BCL2L12: variants seen among roughly 807,000 people sequenced by gnomAD.
BCL2L12 encodes the protein bcl-2-like protein 12.
Under a neutral mutation model 25.7 loss-of-function variants are expected in BCL2L12, and 27 were observed. The observed-to-expected ratio is 1.05, with a 90% confidence interval of 0.78 to 1.45. BCL2L12 has a LOEUF of 1.45. Ranked by LOEUF, BCL2L12 falls within the 40% of genes most tolerant of loss-of-function variation. The probability of loss-of-function intolerance (pLI) is 0.00; values close to 1 mark genes in which losing one functional copy is unlikely to be tolerated. For synonymous variants in BCL2L12, 132 were observed against 145.6 expected, an observed-to-expected ratio of 0.91 and a Z score of 0.67; for missense variants, 302 against 329.8, an observed-to-expected ratio of 0.92 and a Z score of 0.65.
chr19:49,670,359 G>GT lies in BCL2L12; in HGVS notation c.573_574insT (p.Pro192SerfsTer70). 2.5e-6 allele frequency: 4 copies of GT among 1,589,552 alleles called. No individual in the cohort carries two copies. Among genetic ancestry groups the GT allele is most frequent in the Non-Finnish European group, 3.4e-6 (4 of 1,169,830 alleles). On this transcript the variant is annotated frameshift_variant, in exon 6 of 7. Transcript: ENST00000246784. LOFTEE classifies it high-confidence loss of function. Reference sequence around the variant, plus strand: ...CCGGGCCCCCGCCTCCTTCCCCGGAGCCCCTGGCCCGCCTGGCCCTAGCCA... The same window carrying GT: ...CCGGGCCCCCGCCTCCTTCCCCGGAGTCCCCTGGCCCGCCTGGCCCTAGCCA...
At chr19:49,666,661 A>G (rs989930561) in intron 1 of BCL2L12, 24 bp from the exon 2 acceptor site, 1 of 1,529,552 alleles carries the variant, frequency 6.5e-7, no homozygotes, top group Non-Finnish European at 8.8e-7. Flanking sequence ...CTTGGAGTCC[A>G]GTCCCTAACC....
At position 49,666,060 on chromosome 19, in the gene BCL2L12, C is replaced by T. The variant is rs1274353876; in HGVS notation, c.-16C>T. ...AGTGGAGGAGGCGGCGGTGGGGCCC[C>T]GGACCAGGTCAGCGGGGTGTTGACG... On this transcript the variant is annotated 5_prime_UTR_variant, in exon 1 of 7. Transcript: ENST00000246784. 6 of 1,548,278 alleles carry T rather than the reference C, an allele frequency of 3.9e-6. No individual in the cohort carries two copies. The highest frequency in any genetic ancestry group is 5.2e-6 in the Non-Finnish European group (6 of 1,143,864).
At chr19:49,671,632 T>G (rs1387267004) in intron 6 of BCL2L12, among the ~76,000 whole-genome samples, 1 of 152,090 alleles carries the variant, frequency 6.6e-6, no homozygotes, top group East Asian at 1.9e-4. Context: ...AGTGGGACCC[T>G]GTCTCAAAAA....
rs766235924 is a variant in BCL2L12 at position 49,665,951 on chromosome 19, G to T, written c.-125G>T. ...GTTCCGCCCTTTCTACGCTGGGCCG[G>T]TTATCGACCCGGCCCAGTGCGCAGG... On this transcript the variant is annotated 5_prime_UTR_variant, in exon 1 of 7. Transcript: ENST00000246784. 4.3e-6 allele frequency: 7 copies of T among 1,613,532 alleles called. No homozygotes were observed. The South Asian group carries it at 7.7e-5, about 18-fold the overall frequency.
intron 6 of BCL2L12, among the ~76,000 whole-genome samples, chr19:49,671,532 G>A (rs1042616284): frequency 2.0e-5 from 3 of 152,192 alleles, no homozygotes; most frequent in Non-Finnish European, 4.4e-5. Flanking sequence ...CTACTCAGGA[G>A]GCAGAGGAGC....
rs763927653 is a variant in BCL2L12, at chr19:49,669,116, G to A, written c.429+1G>A. 5 of 1,613,766 alleles carry A rather than the reference G, an allele frequency of 3.1e-6. No homozygotes were observed. Among genetic ancestry groups the A allele is most frequent in the Admixed American group, 1.7e-5 (1 of 59,958 alleles). ...GGAGGCAGAAGTCATTAACCAGAAG[G>A]TGATGGGCATCTGTCCCACTCCTTG... On this transcript the variant is annotated splice_donor_variant, in intron 5 of 6. Transcript: ENST00000246784. LOFTEE classifies it high-confidence loss of function.
chr19:49,665,834 C>T (rs1453286867), upstream of BCL2L12: 1 of 1,596,694 alleles, frequency 6.3e-7, no homozygotes, highest in African/African-American at 1.3e-5. Context: ...ATGGGACGGC[C>T]CGCTGGGCTG....
At chr19:49,666,127 G>A (rs1339345941) in intron 1 of BCL2L12, 60 bp downstream of exon 1, 2 of 1,507,856 alleles carry the variant, frequency 1.3e-6, no homozygotes, top group African/African-American at 2.8e-5. Context: ...CCGGGATCCA[G>A]TGGTGGGCAC....
In BCL2L12 at chr19:49,666,007, C is replaced by T. The variant is rs79741544; in HGVS notation, c.-69C>T. ...GAAAGTTGAACTAATAAAGTTTGTACGAGTTCAGTGGAGGAGACCGCAAGT... is the reference window on the plus strand; with the variant it reads ...GAAAGTTGAACTAATAAAGTTTGTATGAGTTCAGTGGAGGAGACCGCAAGT... On this transcript the variant is annotated 5_prime_UTR_variant, in exon 1 of 7. It adds an upstream start codon to the 5' untranslated region. Coordinates refer to ENST00000246784, the MANE Select transcript of BCL2L12 (RefSeq NM_138639.2). 1.2e-4 allele frequency: 198 copies of T among 1,594,450 alleles called. No individual in the cohort carries two copies. In the African/African-American group the frequency reaches 2.4e-3, roughly 19 times the overall value.
chr19:49,670,073 C>A, intron 5 of BCL2L12, 143 bp from the exon 6 acceptor site: 3 of 1,163,330 alleles, frequency 2.6e-6, no homozygotes, highest in Non-Finnish European at 3.5e-6. Context: ...TGGAGTCTGG[C>A]TTGATTGGCT....
chr19:49,669,288 C>T, intron 5 of BCL2L12, 173 bp downstream of exon 5: 3 of 1,325,562 alleles, frequency 2.3e-6, no homozygotes, highest in Non-Finnish European at 3.0e-6. Context: ...GTAATCCCAG[C>T]ACTTTGGGAG....
rs761805340 is a variant in BCL2L12, at chr19:49,666,008, G to C, written c.-68G>C. The C allele has an allele frequency of 1.3e-6, 2 of 1,590,006 alleles. No homozygotes were observed. The highest frequency in any genetic ancestry group is 1.7e-6 in the Non-Finnish European group (2 of 1,166,720). On this transcript the variant is annotated 5_prime_UTR_variant, in exon 1 of 7. Coordinates refer to ENST00000246784, the MANE Select transcript of BCL2L12 (RefSeq NM_138639.2). ...AAAGTTGAACTAATAAAGTTTGTACGAGTTCAGTGGAGGAGACCGCAAGTT... is the reference window on the plus strand; with the variant it reads ...AAAGTTGAACTAATAAAGTTTGTACCAGTTCAGTGGAGGAGACCGCAAGTT...
At chr19:49,667,390 C>T (rs773043254) in intron 3 of BCL2L12, among the ~76,000 whole-genome samples, 6 of 152,176 alleles carry the variant, frequency 3.9e-5, no homozygotes, top group Non-Finnish European at 7.3e-5. Context: ...ATAACTACTT[C>T]CCTGCCCCTA....
At chr19:49,671,003 A>T (rs1239581464) in intron 6 of BCL2L12, among the ~76,000 whole-genome samples, 1 of 151,662 alleles carries the variant, frequency 6.6e-6, no homozygotes, top group Non-Finnish European at 1.5e-5. Context: ...TACTAAAAAA[A>T]ATACATAAAT....
upstream of BCL2L12, chr19:49,665,654 C>G (rs569536180): frequency 2.0e-5 from 17 of 830,226 alleles, no homozygotes; most frequent in Admixed American, 4.6e-4. Flanking sequence ...TCGGGGCGTG[C>G]GGGCAGCTGG....
intron 1 of BCL2L12, 145 bp downstream of exon 1, chr19:49,666,212 C>A: frequency 1.7e-6 from 2 of 1,170,668 alleles, no homozygotes; most frequent in Non-Finnish European, 2.3e-6. Context: ...TTTGGAACTA[C>A]ACCTCACAGC....
At chr19:49,668,362 G>A (rs1008699277) in intron 3 of BCL2L12, among the ~76,000 whole-genome samples, 12 of 151,890 alleles carry the variant, frequency 7.9e-5, no homozygotes, top group African/African-American at 2.7e-4. Context: ...GCCTCCCAAA[G>A]TGATGGGATT....
upstream of BCL2L12, chr19:49,665,903 T>G: frequency 1.2e-6 from 2 of 1,613,368 alleles, no homozygotes; most frequent in South Asian, 2.2e-5. Flanking sequence ...GAGCGTCACA[T>G]GCAAATTGAG....
chr19:49,668,250 C>A (rs547940906), intron 3 of BCL2L12, among the ~76,000 whole-genome samples: 1 of 151,960 alleles, frequency 6.6e-6, no homozygotes, highest in Non-Finnish European at 1.5e-5. Context: ...CATGCGCCAC[C>A]ATGCCCGGCT....
Sources: allele counts gnomAD v4.1 joint callset (sites outside exome capture counted in the v4.1 genomes callset), GRCh38; gene constraint gnomAD v4.1.1; transcripts MANE v1.5; gene names NCBI Gene and HGNC (gene_info 2026-07-23, HGNC 2026-07-21).